Variants in NEDD9 observed in about 807,000 individuals in gnomAD.
NEDD9 encodes enhancer of filamentation 1.
Under a neutral mutation model 76.6 loss-of-function variants are expected in NEDD9, and 26 were observed. The ratio of observed to expected loss-of-function variants is 0.34; its 90% CI spans 0.25 to 0.47. The LOEUF (loss-of-function observed/expected upper bound fraction) is 0.47. NEDD9 is among the 20% of genes least tolerant of loss of function. NEDD9 has a pLI of 1.00. For synonymous variants in NEDD9, 392 were observed against 414.2 expected, an observed-to-expected ratio of 0.95 and a Z score of 0.65; for missense variants, 937 against 1,058.5, an observed-to-expected ratio of 0.89 and a Z score of 1.59.
chr6:11,330,854 C>T (rs2113498774), intron 2 of NEDD9, among the ~76,000 whole-genome samples: 1 of 152,160 alleles, frequency 6.6e-6, no homozygotes, highest in East Asian at 1.9e-4. Context: ...GGCTGGCACC[C>T]CAAGCAAGTA....
intron 2 of NEDD9, among the ~76,000 whole-genome samples, chr6:11,204,250 A>G (rs1328497965): frequency 6.6e-6 from 1 of 152,224 alleles, no homozygotes; most frequent in Non-Finnish European, 1.5e-5. Context: ...CTAGCAATAC[A>G]TGTTAGACAT....
At chr6:11,363,650 G>A (rs1202506903) in intron 1 of NEDD9, among the ~76,000 whole-genome samples, 3 of 152,204 alleles carry the variant, frequency 2.0e-5, no homozygotes, top group Admixed American at 6.5e-5. Context: ...CCTGAAAAGG[G>A]AGGGACCCAC....
chr6:11,192,489 T>C (rs754283963), intron 3 of NEDD9, 43 bp from the exon 4 acceptor site: 16 of 1,431,336 alleles, frequency 1.1e-5, no homozygotes, highest in Non-Finnish European at 1.5e-5. Flanking sequence ...AAATGTCTTA[T>C]ACTTGGTCAT....
intron 2 of NEDD9, among the ~76,000 whole-genome samples, chr6:11,209,658 GT>G (rs1400423121): frequency 6.6e-6 from 1 of 152,184 alleles, no homozygotes; most frequent in African/African-American, 2.4e-5. Flanking sequence ...CTATGAAGTA[GT>G]TAGTATCATT....
chr6:11,368,364 G>T (rs1762804971), intron 1 of NEDD9, among the ~76,000 whole-genome samples: 1 of 152,198 alleles, frequency 6.6e-6, no homozygotes, highest in African/African-American at 2.4e-5. Flanking sequence ...TATATTTTAA[G>T]AGTAATACAA....
At chr6:11,237,415 G>A (rs1021441340), upstream of NEDD9, among the ~76,000 whole-genome samples, 4 of 152,248 alleles carry the variant, frequency 2.6e-5, no homozygotes, top group Admixed American at 2.6e-4. The surrounding 1 kb of genome is among the most constrained non-coding windows in gnomAD (Gnocchi z 4.9). Context: ...AAGGGAACAG[G>A]GAAGACATAT....
chr6:11,244,891 C>A (rs1191628501), intron 3 of NEDD9, among the ~76,000 whole-genome samples: 1 of 152,212 alleles, frequency 6.6e-6, no homozygotes, highest in Non-Finnish European at 1.5e-5. Flanking sequence ...CTGAAGTCTA[C>A]TCTTAGACAA....
intron 3 of NEDD9, among the ~76,000 whole-genome samples, chr6:11,274,132 ATTTG>A (rs1760370962): frequency 6.6e-6 from 1 of 152,160 alleles, no homozygotes; most frequent in Admixed American, 6.5e-5. Context: ...TGGAGTTAGT[ATTTG>A]TTAGGAGCTT....
chr6:11,376,120 G>A (rs771207093), intron 1 of NEDD9, among the ~76,000 whole-genome samples: 15 of 152,174 alleles, frequency 9.9e-5, no homozygotes, highest in East Asian at 1.9e-4. Context: ...CACCGTGCCC[G>A]GTCCCCACTT....
chr6:11,211,894 C>T (rs1758796439), intron 2 of NEDD9, among the ~76,000 whole-genome samples: 1 of 152,310 alleles, frequency 6.6e-6, no homozygotes, highest in South Asian at 2.1e-4. Context: ...GGGGTGGTGA[C>T]ATGGCCAGGA....
chr6:11,212,338 G>T (rs1192706308), intron 2 of NEDD9, among the ~76,000 whole-genome samples: 1 of 152,168 alleles, frequency 6.6e-6, no homozygotes, highest in Non-Finnish European at 1.5e-5. Context: ...CACCTTGGTT[G>T]TGGGTGTTAC....
chr6:11,265,411 A>G (rs1280117043), intron 3 of NEDD9, among the ~76,000 whole-genome samples: 1 of 152,236 alleles, frequency 6.6e-6, no homozygotes, highest in Non-Finnish European at 1.5e-5. Flanking sequence ...GAATATTGCT[A>G]CAGTATTTTC....
chr6:11,278,267 C>G (rs1194567202), intron 3 of NEDD9, among the ~76,000 whole-genome samples: 6 of 152,154 alleles, frequency 3.9e-5, no homozygotes, highest in African/African-American at 1.4e-4. Flanking sequence ...AATTCTGTAC[C>G]CTGCCAGACC....
intron 1 of NEDD9, among the ~76,000 whole-genome samples, chr6:11,360,973 T>A (rs1264772544): frequency 6.6e-6 from 1 of 152,212 alleles, no homozygotes; most frequent in Non-Finnish European, 1.5e-5. Flanking sequence ...AACTAATGTA[T>A]CAGCTTGTTT....
At position 11,370,460 on chromosome 6, in the gene NEDD9, C is replaced by G. The variant is rs1002860523; in HGVS notation, c.-214+11679G>C. Among the ~76,000 whole-genome samples, 15 of 152,182 alleles carry G rather than the reference C, an allele frequency of 9.9e-5. No individual in the cohort carries two copies. Among genetic ancestry groups the G allele is most frequent in the African/African-American group, 3.6e-4 (15 of 41,452 alleles). Reference sequence around the variant, plus strand: ...GCTGGAGGACGGCTCCCACCCCTGTCCTCCCAAGACCTGCATTCCAGTCCA... The same window carrying G: ...GCTGGAGGACGGCTCCCACCCCTGTGCTCCCAAGACCTGCATTCCAGTCCA... On this transcript the variant is annotated intron_variant, in intron 1 of 3. Transcript: ENST00000397378. The surrounding 1 kb of genome is among the most constrained non-coding windows in gnomAD (Gnocchi z 4.2).
At chr6:11,236,038 A>G (rs1396234590), upstream of NEDD9, among the ~76,000 whole-genome samples, 3 of 152,212 alleles carry the variant, frequency 2.0e-5, no homozygotes, top group African/African-American at 4.8e-5. This position sits in a 1 kb window ranked among gnomAD's most constrained non-coding sequence, Gnocchi z 5.5. Flanking sequence ...TTACTTTATT[A>G]GTGTCATTTA....
chr6:11,277,733 G>T (rs1451435646), intron 3 of NEDD9, among the ~76,000 whole-genome samples: 1 of 152,220 alleles, frequency 6.6e-6, no homozygotes, highest in Admixed American at 6.5e-5. Flanking sequence ...CTTCCAGCAT[G>T]TGGGAACTTG....
intron 1 of NEDD9, among the ~76,000 whole-genome samples, chr6:11,347,430 G>T (rs908521225): frequency 6.6e-6 from 1 of 152,134 alleles, no homozygotes; most frequent in Middle Eastern, 3.2e-3. Context: ...TATGAAGCCT[G>T]CATCATCCTG....
chr6:11,277,064 G>T (rs554691533), intron 3 of NEDD9, among the ~76,000 whole-genome samples: 1 of 152,160 alleles, frequency 6.6e-6, no homozygotes, highest in Non-Finnish European at 1.5e-5. Flanking sequence ...ATGCCCGGGG[G>T]GTGCATCTGG....
Sources: allele counts gnomAD v4.1 joint callset (sites outside exome capture counted in the v4.1 genomes callset), GRCh38; gene constraint gnomAD v4.1.1; non-coding constraint Gnocchi (gnomAD v3.1); transcripts MANE v1.5; gene names NCBI Gene and HGNC (gene_info 2026-07-23, HGNC 2026-07-21).